Variants in DLGAP2 observed in about 807,000 individuals in gnomAD.
DLGAP2 encodes DLG associated protein 2.
In DLGAP2, 26 loss-of-function variants were observed where a neutral mutation model predicts 100.3. The observed-to-expected ratio is 0.26, with a 90% confidence interval of 0.19 to 0.36. The LOEUF is 0.36. Among genes scored for constraint, DLGAP2 ranks in the 10% least tolerant of loss-of-function variants. The pLI is 1.00. For synonymous variants in DLGAP2, 886 were observed against 630.1 expected, an observed-to-expected ratio of 1.41 and a Z score of -6.08; for missense variants, 1,858 against 1,453.2, an observed-to-expected ratio of 1.28 and a Z score of -4.53.
At chr8:874,881 C>G (rs1797660989) in intron 1 of DLGAP2, among the ~76,000 whole-genome samples, 4 of 152,190 alleles carry the variant, frequency 2.6e-5, no homozygotes, top group African/African-American at 9.6e-5. Context: ...TGTTTTGGTG[C>G]TCTGTTGTTA....
At chr8:911,170 T>C (rs2128999515) in intron 2 of DLGAP2, among the ~76,000 whole-genome samples, 1 of 152,316 alleles carries the variant, frequency 6.6e-6, no homozygotes, top group African/African-American at 2.4e-5. Flanking sequence ...TTTAGTATTT[T>C]TGACCCAACT....
chr8:879,571 C>G (rs940609219), intron 1 of DLGAP2, among the ~76,000 whole-genome samples: 1 of 152,186 alleles, frequency 6.6e-6, no homozygotes, highest in Non-Finnish European at 1.5e-5. Context: ...GTTCCTTCCT[C>G]CATCTCCCCG....
intron 3 of DLGAP2, among the ~76,000 whole-genome samples, chr8:1,338,343 C>T (rs1801336014): frequency 6.6e-6 from 1 of 152,190 alleles, no homozygotes; most frequent in African/African-American, 2.4e-5. Flanking sequence ...ATGGAGCCCA[C>T]ACCACATACA....
At chr8:1,118,957 T>G (rs1795968136) in intron 2 of DLGAP2, among the ~76,000 whole-genome samples, 1 of 152,264 alleles carries the variant, frequency 6.6e-6, no homozygotes, top group Non-Finnish European at 1.5e-5. Context: ...TAATTTATCG[T>G]TTGATGTTCA....
intron 3 of DLGAP2, among the ~76,000 whole-genome samples, chr8:1,266,171 A>G (rs1028167149): frequency 9.2e-5 from 14 of 152,248 alleles, no homozygotes; most frequent in Non-Finnish European, 7.3e-5. Flanking sequence ...CATTCCCAAC[A>G]GGGACGCTGT....
At chr8:839,753 A>C (rs563587696) in intron 1 of DLGAP2, among the ~76,000 whole-genome samples, 27 of 152,242 alleles carry the variant, frequency 1.8e-4, no homozygotes, top group Admixed American at 1.4e-3. Context: ...CTTCATGTTT[A>C]TTCACCGTTT....
chr8:1,549,066 G>C lies in DLGAP2; in HGVS notation c.613G>C (p.Asp205His), dbSNP rs762270251. ...CGAGAAGCAGCTGCCGCTGCACCGG[G>C]ACGGCTTCCACACGCTGCAGTACCA... ...QFEKQLPLHR[D>H]GFHTLQYQRT... The change falls in exon 5 of 15, where the codon GAC (aspartate) becomes CAC (histidine). Residue 205 changes from aspartate to histidine, a missense_variant. Asp to His is a moderately conservative substitution (Grantham distance 81, BLOSUM62 -1). Coordinates refer to ENST00000637795, the MANE Select transcript of DLGAP2 (RefSeq NM_001346810.2). 6.3e-7 allele frequency: 1 copy of C among 1,589,810 alleles called. No homozygotes were observed. Among genetic ancestry groups the C allele is most frequent in the Non-Finnish European group, 8.5e-7 (1 of 1,172,124 alleles).
At chr8:1,275,494 C>T (rs1261950126) in intron 3 of DLGAP2, among the ~76,000 whole-genome samples, 1 of 151,854 alleles carries the variant, frequency 6.6e-6, no homozygotes, top group Non-Finnish European at 1.5e-5. Context: ...AGTCAGACAT[C>T]AGCGTCAATC....
intron 2 of DLGAP2, among the ~76,000 whole-genome samples, chr8:1,106,111 A>G (rs1013060895): frequency 1.4e-5 from 2 of 138,716 alleles, no homozygotes; most frequent in African/African-American, 2.7e-5. Context: ...GAAGGGAGCC[A>G]TTCCAGGAGG....
intron 1 of DLGAP2, among the ~76,000 whole-genome samples, chr8:854,137 C>G (rs1292468417): frequency 1.3e-5 from 2 of 152,138 alleles, no homozygotes; most frequent in African/African-American, 4.8e-5. Flanking sequence ...TGTATGTCAC[C>G]CGGTCTATGA....
chr8:966,105 G>A (rs1311969285), intron 2 of DLGAP2, among the ~76,000 whole-genome samples: 5 of 152,184 alleles, frequency 3.3e-5, no homozygotes, highest in Admixed American at 6.5e-5. Context: ...GGTCAGTCAC[G>A]CGCTGAGACC....
At chr8:894,594 G>GCA (rs1798102479) in intron 1 of DLGAP2, among the ~76,000 whole-genome samples, 1 of 142,646 alleles carries the variant, frequency 7.0e-6, no homozygotes, top group African/African-American at 2.7e-5. Flanking sequence ...GCGGAGCAGG[G>GCA]GTGTGGTGGG....
chr8:771,758 TA>T (rs1428522397), intron 1 of DLGAP2, among the ~76,000 whole-genome samples: 1 of 152,228 alleles, frequency 6.6e-6, no homozygotes, highest in East Asian at 1.9e-4. Flanking sequence ...TGACTTTGTT[TA>T]AAAAGTTATG....
At chr8:1,597,321 G>C (rs537559057) in intron 6 of DLGAP2, among the ~76,000 whole-genome samples, 3 of 151,604 alleles carry the variant, frequency 2.0e-5, no homozygotes, top group African/African-American at 4.8e-5. Context: ...TGTTCTTTTT[G>C]CTTAGGATTG....
chr8:1,145,560 C>A (rs547088726), intron 2 of DLGAP2, among the ~76,000 whole-genome samples: 1 of 152,294 alleles, frequency 6.6e-6, no homozygotes, highest in Admixed American at 6.5e-5. Context: ...GAAACTCTTA[C>A]CAATAATGCT....
Position 1,058,355 on chromosome 8 carries a change from G to A in DLGAP2, c.73+150389G>A, listed in dbSNP as rs1341894549. On this transcript the variant is annotated intron_variant, in intron 2 of 14. Transcript: ENST00000637795. The stretch of plus-strand genomic sequence containing the variant: ...GGAACCCAGCACCTGCCACGGCTCC[G>A]ACGGGCGACCTGACTGCTGCAGGCC... Among the ~76,000 whole-genome samples the A allele has an allele frequency of 3.9e-5, 6 of 152,316 alleles. No individual in the cohort carries two copies. The South Asian group carries it at 1.2e-3, about 32-fold the overall frequency.
intron 2 of DLGAP2, among the ~76,000 whole-genome samples, chr8:1,048,725 C>A (rs1403056073): frequency 2.6e-5 from 4 of 151,962 alleles, no homozygotes; most frequent in Non-Finnish European, 4.4e-5. Context: ...GGAACTGGGG[C>A]TGCGGTGGGC....
intron 3 of DLGAP2, among the ~76,000 whole-genome samples, chr8:1,306,589 A>G (rs921222570): frequency 2.6e-5 from 4 of 152,162 alleles, no homozygotes; most frequent in Non-Finnish European, 5.9e-5. Context: ...ACTCAAAACA[A>G]TCTTGAAAAA....
At chr8:928,075 C>T (rs959141510) in intron 2 of DLGAP2, among the ~76,000 whole-genome samples, 8 of 152,192 alleles carry the variant, frequency 5.3e-5, no homozygotes, top group South Asian at 4.1e-4. Context: ...CTGAGGGTCT[C>T]ATGGTCTTTG....
Sources: allele counts gnomAD v4.1 joint callset (sites outside exome capture counted in the v4.1 genomes callset), GRCh38; gene constraint gnomAD v4.1.1; transcripts MANE v1.5; gene names NCBI Gene and HGNC (gene_info 2026-07-23, HGNC 2026-07-21).